TLL1: variants seen among roughly 807,000 people sequenced by gnomAD.
The protein encoded by TLL1 is tolloid like 1.
In TLL1, 49 loss-of-function variants were observed where a neutral mutation model predicts 128.2. The ratio of observed to expected loss-of-function variants is 0.38; its 90% CI spans 0.30 to 0.48. The LOEUF is 0.48. Among genes scored for constraint, TLL1 ranks in the 20% least tolerant of loss-of-function variants. The pLI is 0.96. For missense variants in TLL1, 1,123 were observed against 1,242.0 expected (o/e 0.90, Z 1.44); for synonymous variants, 454 against 418.8 (o/e 1.08, Z -1.03).
At chr4:166,056,207 A>T (rs961614863) in intron 13 of TLL1, among the ~76,000 whole-genome samples, 2 of 152,090 alleles carry the variant, frequency 1.3e-5, no homozygotes, top group Admixed American at 6.6e-5. Flanking sequence ...TATATTTCAT[A>T]GAAGAAACAT....
intron 15 of TLL1, among the ~76,000 whole-genome samples, chr4:166,062,658 C>A (rs78568554): frequency 6.6e-6 from 1 of 152,148 alleles, no homozygotes; most frequent in Admixed American, 6.6e-5. Context: ...ATCATGTCAT[C>A]TGCAAACAGG....
At chr4:165,931,718 C>CAAAAAAAAAAAAAGAA (rs761214388) in intron 1 of TLL1, among the ~76,000 whole-genome samples, 21 of 133,486 alleles carry the variant, frequency 1.6e-4, no homozygotes, top group Admixed American at 8.4e-5. Context: ...GACTCTGTCT[C>CAAAAAAAAAAAAAGAA]AAAAGAAAAA....
intron 8 of TLL1, among the ~76,000 whole-genome samples, chr4:166,024,964 A>G (rs552883298): frequency 1.2e-3 from 180 of 152,328 alleles, no homozygotes; most frequent in African/African-American, 4.1e-3. Flanking sequence ...ACGTGGTCCC[A>G]GAGCCATATC....
At chr4:166,091,002 G>T in intron 18 of TLL1, 126 bp from the exon 19 acceptor site, 1 of 724,234 alleles carries the variant, frequency 1.4e-6, no homozygotes, top group Admixed American at 2.7e-5. Context: ...TAATTATGCT[G>T]TAAATGTGTT....
At chr4:165,879,913 C>T (rs1001407061) in intron 1 of TLL1, among the ~76,000 whole-genome samples, 3 of 152,044 alleles carry the variant, frequency 2.0e-5, no homozygotes, top group Non-Finnish European at 2.9e-5. Flanking sequence ...CTTTCATATT[C>T]CAGGATCTGG....
intron 1 of TLL1, among the ~76,000 whole-genome samples, chr4:165,961,709 A>G (rs924949628): frequency 2.0e-5 from 3 of 152,192 alleles, no homozygotes; most frequent in Non-Finnish European, 4.4e-5. Flanking sequence ...GGCAAAAATA[A>G]GCAGAGGGGA....
At chr4:165,890,142 A>G (rs1396212625) in intron 1 of TLL1, among the ~76,000 whole-genome samples, 1 of 152,120 alleles carries the variant, frequency 6.6e-6, no homozygotes. Flanking sequence ...AGAACTCACT[A>G]TCATGAGAAC....
chr4:166,026,865 C>A (rs980595873), intron 9 of TLL1, among the ~76,000 whole-genome samples: 1 of 152,094 alleles, frequency 6.6e-6, no homozygotes, highest in African/African-American at 2.4e-5. Flanking sequence ...ATCTTTTGAA[C>A]ATTATATCAA....
intron 1 of TLL1, among the ~76,000 whole-genome samples, chr4:165,883,092 CATATA>C (rs1223857707): frequency 9.2e-5 from 14 of 152,112 alleles, no homozygotes; most frequent in African/African-American, 3.4e-4. Context: ...AGATCTCTGG[CATATA>C]CAATGGAACT....
At chr4:165,999,861 A>G (rs1737069539) in intron 5 of TLL1, among the ~76,000 whole-genome samples, 1 of 152,220 alleles carries the variant, frequency 6.6e-6, no homozygotes, top group Non-Finnish European at 1.5e-5. Context: ...AATTGAAACT[A>G]TTTCAAATAC....
At chr4:166,051,074 A>G (rs1739699310) in intron 12 of TLL1, among the ~76,000 whole-genome samples, 1 of 152,180 alleles carries the variant, frequency 6.6e-6, no homozygotes, top group Non-Finnish European at 1.5e-5. Context: ...ATATTAATAC[A>G]TGGTTTATGC....
At chr4:165,896,097 A>T (rs1000296287) in intron 1 of TLL1, among the ~76,000 whole-genome samples, 2 of 151,852 alleles carry the variant, frequency 1.3e-5, no homozygotes, top group Admixed American at 1.3e-4. Context: ...CCCTACCCCC[A>T]AGAGGCCCCG....
chr4:165,960,483 T>C (rs1735041755), intron 1 of TLL1, among the ~76,000 whole-genome samples: 1 of 152,086 alleles, frequency 6.6e-6, no homozygotes, highest in African/African-American at 2.4e-5. Context: ...ATTATCCTGA[T>C]ACCAAAATCT....
intron 1 of TLL1, among the ~76,000 whole-genome samples, chr4:165,972,381 A>G (rs4485771): frequency 0.56 from 85,706 of 151,972 alleles, 26,629 homozygotes; most frequent in Admixed American, 0.71. Context: ...ATTATCATAT[A>G]TTCTTTTCAT....
At position 166,062,128 on chromosome 4, in the gene TLL1, G is replaced by T. The variant is rs1740345246; in HGVS notation, c.2007+1940G>T. ...CTGTTTTAGTTACTGTAGCCTTGTA[G>T]TATAGTTTGAAGTCAGGTAGCATGA... On this transcript the variant is annotated intron_variant, in intron 15 of 20. Transcript: ENST00000061240. Among the ~76,000 whole-genome samples, 4 of 152,162 alleles carry T rather than the reference G, an allele frequency of 2.6e-5. No individual in the cohort carries two copies. In the South Asian group the frequency reaches 8.3e-4, roughly 32 times the overall value.
At chr4:166,079,840 C>T (rs1464087997) in intron 18 of TLL1, among the ~76,000 whole-genome samples, 1 of 151,990 alleles carries the variant, frequency 6.6e-6, no homozygotes, top group Non-Finnish European at 1.5e-5. Flanking sequence ...TCATTTTTTG[C>T]CCTTCTTTCT....
chr4:165,937,863 C>A (rs545114784), intron 1 of TLL1, among the ~76,000 whole-genome samples: 2,979 of 121,630 alleles, frequency 0.024, 61 homozygotes, highest in African/African-American at 0.066. Flanking sequence ...ACCCCCCCCC[C>A]AAAAAAAAGC....
chr4:166,010,456 A>G (rs1384663391), intron 7 of TLL1, among the ~76,000 whole-genome samples: 4 of 151,234 alleles, frequency 2.6e-5, no homozygotes, highest in African/African-American at 4.8e-5. Flanking sequence ...TTTAAGTCCT[A>G]TGCCCATGTC....
chr4:165,966,873 A>G (rs569622030), intron 1 of TLL1, among the ~76,000 whole-genome samples: 2 of 152,306 alleles, frequency 1.3e-5, no homozygotes, highest in South Asian at 4.1e-4. Context: ...ACGCATTATC[A>G]TTGTTAAGAT....
Sources: allele counts gnomAD v4.1 joint callset (sites outside exome capture counted in the v4.1 genomes callset), GRCh38; gene constraint gnomAD v4.1.1; transcripts MANE v1.5; gene names NCBI Gene and HGNC (gene_info 2026-07-23, HGNC 2026-07-21).